Variants in NOTO observed in about 807,000 individuals in gnomAD.
NOTO encodes the protein notochord homeobox.
NOTO carries 19 observed loss-of-function variants against 20.5 expected under a neutral mutation model. That is an observed-to-expected ratio of 0.93 (90% CI 0.65 to 1.36). The LOEUF (loss-of-function observed/expected upper bound fraction) is 1.36. Ranked by LOEUF, NOTO falls within the 40% of genes most tolerant of loss-of-function variation. The pLI, the probability that NOTO is intolerant of heterozygous loss-of-function variation, is 0.00. For missense variants in NOTO, 369 were observed against 336.2 expected (o/e 1.10, Z -0.76); for synonymous variants, 150 against 150.2 (o/e 1.00, Z 0.01).
At chr2:73,205,347 C>T (rs1238185343) in intron 1 of NOTO, among the ~76,000 whole-genome samples, 3 of 152,000 alleles carry the variant, frequency 2.0e-5, no homozygotes, top group African/African-American at 7.2e-5. Flanking sequence ...CCCGTCTCTA[C>T]TAAAAACACA....
At position 73,210,916 on chromosome 2, in the gene NOTO, G is replaced by A. The variant is rs1159653612; in HGVS notation, c.743G>A (p.Gly248Glu). 1.3e-6 allele frequency: 2 copies of A among 1,551,014 alleles called. No individual in the cohort carries two copies. The highest frequency in any genetic ancestry group is 1.7e-6 in the Non-Finnish European group (2 of 1,146,688). ...ATCCAGAGTGATGATGCCGAGTCAG[G>A]AGTGGACGGCTGAAGACTGGGACAG... ...ASIQSDDAES[G>E]VDG Residue 248 changes from glycine (G) to glutamate (E), a missense_variant, in exon 3 of 3, where the codon GGA becomes GAA. Gly to Glu is a moderately conservative substitution (Grantham distance 98). Coordinates refer to ENST00000398468, the MANE Select transcript of NOTO (RefSeq NM_001134462.2).
intron 1 of NOTO, among the ~76,000 whole-genome samples, chr2:73,206,269 C>A (rs940987250): frequency 6.6e-6 from 1 of 152,126 alleles, no homozygotes; most frequent in Non-Finnish European, 1.5e-5. Context: ...TTTATAATAA[C>A]CATTGACTTT....
At chr2:73,206,156 A>C (rs945796073) in intron 1 of NOTO, among the ~76,000 whole-genome samples, 2 of 152,126 alleles carry the variant, frequency 1.3e-5, no homozygotes, top group African/African-American at 4.8e-5. Context: ...TCCTCCATTT[A>C]GATTTTTTTT....
At chr2:73,205,150 T>C (rs1345262669) in intron 1 of NOTO, among the ~76,000 whole-genome samples, 1 of 152,104 alleles carries the variant, frequency 6.6e-6, no homozygotes, top group Non-Finnish European at 1.5e-5. Flanking sequence ...CTACTGTTCT[T>C]GTATTTTGCC....
In NOTO at chr2:73,208,549, C is replaced by T. The variant is rs1168356073; in HGVS notation, c.532C>T (p.Gln178Ter). ...LEELEKVFAK[Q>*]HNLVGKKRAQ... ...AGAGTTGGAGAAAGTGTTTGCAAAA[C>T]AGCACAATCTGGTGGGGAAGAAGAG... Residue 178 changes from glutamine (Q) to a stop codon, truncating the protein, a stop_gained, in exon 2 of 3, where the codon CAG becomes TAG. Coordinates refer to ENST00000398468, the MANE Select transcript of NOTO (RefSeq NM_001134462.2). LOFTEE classifies it high-confidence loss of function. 3.2e-6 allele frequency: 5 copies of T among 1,551,474 alleles called. No individual in the cohort carries two copies. In the Admixed American group the frequency reaches 5.9e-5, roughly 18 times the overall value.
intron 1 of NOTO, among the ~76,000 whole-genome samples, chr2:73,204,905 G>A (rs1337971478): frequency 5.3e-5 from 6 of 113,830 alleles, no homozygotes; most frequent in Non-Finnish European, 8.8e-5. Context: ...TTTTTGAGGC[G>A]GAGTCTTGCT....
intron 1 of NOTO, among the ~76,000 whole-genome samples, chr2:73,204,108 A>G: frequency 1.2e-5 from 1 of 86,368 alleles, no homozygotes; most frequent in East Asian, 2.0e-4. Flanking sequence ...CAAAAAAAAA[A>G]AAAAAAAAAA....
rs1382837143 is a variant in NOTO, at chr2:73,204,872, TTTTTTTATTTTTTTA to T, written c.382+1831_382+1845del. The stretch of plus-strand genomic sequence containing the variant: ...AGCCCCAGCACCATGCCCGGCTAAT[TTTTTTTATTTTTTTA>T]TTTTTTTTTTTTGAGGCGGAGTCTT... On this transcript the variant is annotated intron_variant, in intron 1 of 2. Transcript: ENST00000398468. 4.7e-4 allele frequency among the ~76,000 whole-genome samples: 33 copies of T among 70,960 alleles called. 2 individuals carry two copies. The highest frequency in any genetic ancestry group is 2.3e-3 in the African/African-American group (32 of 13,670). 46.6% of individuals were successfully genotyped at this position (70,960 alleles called of 152,430 possible).
chr2:73,202,983 G>C lies in NOTO; in HGVS notation c.317G>C (p.Gly106Ala). 6.7e-7 allele frequency: 1 copy of C among 1,489,256 alleles called. No homozygotes were observed. Among genetic ancestry groups the C allele is most frequent in the African/African-American group, 1.5e-5 (1 of 68,436 alleles). The allele number at this position is 1,489,256 out of a possible 1,614,324, so 92.3% of individuals were successfully genotyped here. A position where few individuals can be genotyped will look rare whatever the true frequency, so the allele number is the denominator to read the frequency against. Residue 106 changes from glycine to alanine, a missense_variant, in exon 1 of 3, where the codon GGT becomes GCT. Coordinates refer to ENST00000398468, the MANE Select transcript of NOTO (RefSeq NM_001134462.2). Reference protein sequence around the residue: ...TSWLPAYLSVGFYPVPGPRVA... With the variant: ...TSWLPAYLSVAFYPVPGPRVA... ...TGGCTGCCCGCCTACCTGAGCGTAG[G>C]TTTTTACCCTGTGCCAGGGCCGCGC...
intron 1 of NOTO, 101 bp downstream of exon 1, chr2:73,203,149 G>A (rs1354896951): frequency 3.8e-6 from 4 of 1,061,936 alleles, no homozygotes; most frequent in Non-Finnish European, 5.0e-6. Flanking sequence ...CACTGAGTGT[G>A]AGAATCACAC....
intron 1 of NOTO, among the ~76,000 whole-genome samples, 196 bp downstream of exon 1, chr2:73,203,244 G>A (rs185095857): frequency 3.4e-4 from 52 of 152,326 alleles, no homozygotes; most frequent in African/African-American, 1.2e-3. Flanking sequence ...AAAAGACCCC[G>A]GCGCGAGGCT....
intron 2 of NOTO, among the ~76,000 whole-genome samples, chr2:73,210,142 T>C (rs1009511992): frequency 1.3e-5 from 2 of 152,224 alleles, no homozygotes; most frequent in African/African-American, 4.8e-5. Context: ...AAAAGCCTCA[T>C]GGGTGACATT....
At chr2:73,209,702 G>A (rs1383733658) in intron 2 of NOTO, among the ~76,000 whole-genome samples, 1 of 152,006 alleles carries the variant, frequency 6.6e-6, no homozygotes, top group South Asian at 2.1e-4. Flanking sequence ...TCCCAAATTT[G>A]TATCCTCAGC....
chr2:73,205,850 C>T lies in NOTO; in HGVS notation c.383-2550C>T, dbSNP rs116700688. ...AGATGGAATCTCACAATGCCTGTCT[C>T]AGCCTCCCGAGTAGCAGGGACCACA... On this transcript the variant is annotated intron_variant, in intron 1 of 2. Coordinates refer to ENST00000398468, the MANE Select transcript of NOTO (RefSeq NM_001134462.2). 3.7e-3 allele frequency among the ~76,000 whole-genome samples: 564 copies of T among 151,778 alleles called. 4 individuals are homozygous for T. Among genetic ancestry groups the T allele is most frequent in the African/African-American group, 0.013 (546 of 41,388 alleles).
rs538156934 is a variant in NOTO, at chr2:73,203,138, G to C, written c.382+90G>C. 1.1e-4 allele frequency: 125 copies of C among 1,159,450 alleles called. No individual in the cohort carries two copies. The South Asian group carries it at 2.3e-3, about 21-fold the overall frequency. 71.8% of individuals were successfully genotyped at this position (1,159,450 alleles called of 1,614,324 possible). ...TGCCGGCGCCCCAGTGCAGGAGAGG[G>C]CACTGAGTGTGAGAATCACACACGG... On this transcript the variant is annotated intron_variant, in intron 1 of 2. Transcript: ENST00000398468.
intron 2 of NOTO, 94 bp from the exon 3 acceptor site, chr2:73,210,677 A>T: frequency 9.4e-7 from 1 of 1,065,658 alleles, no homozygotes; most frequent in South Asian, 1.7e-5. Flanking sequence ...AAGAGCAAAT[A>T]TTGGCCAGGC....
rs1387965022 is a variant in NOTO at position 73,203,718 on chromosome 2, A to G, written c.382+670A>G. On this transcript the variant is annotated intron_variant, in intron 1 of 2. Coordinates refer to ENST00000398468, the MANE Select transcript of NOTO (RefSeq NM_001134462.2). ...GGTGGCTCACGCCTGTAATTTCAGC[A>G]CTTTGGAAGACCGAGGCGGGTGGAT... is the stretch of plus-strand genomic sequence containing the variant. Among the ~76,000 whole-genome samples the G allele has an allele frequency of 3.3e-5, 5 of 152,204 alleles. No homozygotes were observed. In the South Asian group the frequency reaches 1.0e-3, roughly 32 times the overall value.
chr2:73,207,569 A>G, intron 1 of NOTO, among the ~76,000 whole-genome samples: 1 of 151,696 alleles, frequency 6.6e-6, no homozygotes, highest in East Asian at 1.9e-4. Context: ...TTTTTTTTTA[A>G]TTGAGACAGA....
chr2:73,205,758 C>T (rs1686080708), intron 1 of NOTO, among the ~76,000 whole-genome samples: 1 of 152,044 alleles, frequency 6.6e-6, no homozygotes, highest in Non-Finnish European at 1.5e-5. Flanking sequence ...TCCTTAGCTT[C>T]CTGAGTAGCA....
Sources: allele counts gnomAD v4.1 joint callset (sites outside exome capture counted in the v4.1 genomes callset), GRCh38; gene constraint gnomAD v4.1.1; transcripts MANE v1.5; gene names NCBI Gene and HGNC (gene_info 2026-07-23, HGNC 2026-07-21).